The following KSR1 variants were observed in gnomAD, a reference collection of about 807,000 sequenced individuals.
The protein encoded by KSR1 is kinase suppressor of ras 1, also known as kinase suppressor of ras.
In KSR1, 35 loss-of-function variants were observed where a neutral mutation model predicts 92.9. The ratio of observed to expected loss-of-function variants is 0.38; its 90% CI spans 0.29 to 0.50. KSR1 has a LOEUF of 0.50. KSR1 is among the 20% of genes least tolerant of loss of function. The pLI is 0.94. For synonymous variants in KSR1, 467 were observed against 472.6 expected, an observed-to-expected ratio of 0.99 and a Z score of 0.15; for missense variants, 972 against 1,158.5, an observed-to-expected ratio of 0.84 and a Z score of 2.34.
At position 27,588,906 on chromosome 17, in the gene KSR1, C is replaced by T. The variant is rs557380296; in HGVS notation, c.1046+371C>T. Among the ~76,000 whole-genome samples, 19 of 152,322 alleles carry T rather than the reference C, an allele frequency of 1.2e-4. No individual in the cohort carries two copies. In the South Asian group the frequency reaches 1.9e-3, roughly 15 times the overall value. ...CTGAAACTGGCCGCATATCAGAGTC[C>T]GCTGTAGAGCTTGTTGAAAATCCAG... On this transcript the variant is annotated intron_variant, in intron 6 of 20. Coordinates refer to ENST00000644974, the MANE Select transcript of KSR1 (RefSeq NM_001394583.1).
chr17:27,620,991 C>A, intron 19 of KSR1: 1 of 387,836 alleles, frequency 2.6e-6, no homozygotes, highest in Non-Finnish European at 4.6e-6. Flanking sequence ...CACGCTTGCC[C>A]CCTAATTCTC....
At chr17:27,504,508 C>T (rs1237271805) in intron 1 of KSR1, among the ~76,000 whole-genome samples, 1 of 152,004 alleles carries the variant, frequency 6.6e-6, no homozygotes, top group African/African-American at 2.4e-5. Context: ...CCTGAGGAGG[C>T]CGGCAGAGAC....
At chr17:27,541,344 G>C (rs888660408) in intron 1 of KSR1, among the ~76,000 whole-genome samples, 5 of 152,240 alleles carry the variant, frequency 3.3e-5, no homozygotes, top group Non-Finnish European at 7.3e-5. Flanking sequence ...CTTCTTAAAA[G>C]GGATGGCCTC....
Position 27,603,847 on chromosome 17 carries a change from T to G in KSR1, c.1524T>G (p.Phe508Leu). 6.2e-7 allele frequency: 1 copy of G among 1,613,968 alleles called. No homozygotes were observed. The highest frequency in any genetic ancestry group is 8.5e-7 in the Non-Finnish European group (1 of 1,179,862). ...QQFIFPDISA[F>L]AHAAPLPEAA... Reference sequence around the variant, plus strand: ...TGTTTCCTCCAGACATTTCAGCCTTTGCACACGCAGCCCCGCTCCCTGAAG... The same window carrying G: ...TGTTTCCTCCAGACATTTCAGCCTTGGCACACGCAGCCCCGCTCCCTGAAG... Residue 508 changes from phenylalanine to leucine, a missense_variant, in exon 12 of 21, where the codon TTT becomes TTG. Around this residue, in one of 5 missense-constraint regions of KSR1, gnomAD observed 611 missense variants for 668.0 expected, o/e 0.91. Coordinates refer to ENST00000644974, the MANE Select transcript of KSR1 (RefSeq NM_001394583.1).
chr17:27,614,092 A>G (rs1185181510), intron 18 of KSR1, among the ~76,000 whole-genome samples: 3 of 152,258 alleles, frequency 2.0e-5, no homozygotes, highest in African/African-American at 4.8e-5. Context: ...ATGAGCCCCC[A>G]TGCCTGGCAT....
At chr17:27,603,590 G>T (rs773010308) in intron 11 of KSR1, among the ~76,000 whole-genome samples, 2 of 152,000 alleles carry the variant, frequency 1.3e-5, no homozygotes, top group Non-Finnish European at 2.9e-5. Context: ...CCTGCCCAGA[G>T]CCCCTGCCCA....
At chr17:27,596,212 T>C (rs1176233891) in intron 9 of KSR1, among the ~76,000 whole-genome samples, 3 of 152,218 alleles carry the variant, frequency 2.0e-5, no homozygotes, top group Non-Finnish European at 4.4e-5. Flanking sequence ...TCACACTTGC[T>C]TAAGGCTTGG....
rs11375064 is a variant in KSR1 at position 27,577,048 on chromosome 17, G to GTTT, written c.373-434_373-432dup. ...CTGCAGTGTTTGGTGAGGTTTTTTT[G>GTTT]TTTTTTTTTTTTAAATCCTTCCTTT... On this transcript the variant is annotated intron_variant, in intron 2 of 20. Transcript: ENST00000644974. This position sits in a 1 kb window ranked among gnomAD's most constrained non-coding sequence, Gnocchi z 4.5. Among the ~76,000 whole-genome samples the GTTT allele has an allele frequency of 6.8e-6, 1 of 147,236 alleles. No individual in the cohort carries two copies.
At chr17:27,463,100 C>T (rs903269046) in intron 1 of KSR1, among the ~76,000 whole-genome samples, 5 of 152,184 alleles carry the variant, frequency 3.3e-5, no homozygotes, top group African/African-American at 7.2e-5. Flanking sequence ...TATCTGTCCT[C>T]GTCTTTAATA....
At chr17:27,587,615 G>A (rs982097262) in intron 5 of KSR1, 3 of 152,260 alleles carry the variant, frequency 2.0e-5, no homozygotes, top group Admixed American at 6.5e-5. Flanking sequence ...GAGGGTTCCC[G>A]GACCCCCGAA....
At chr17:27,564,101 G>A (rs899477287) in intron 2 of KSR1, among the ~76,000 whole-genome samples, 1 of 142,690 alleles carries the variant, frequency 7.0e-6, no homozygotes, top group Non-Finnish European at 1.5e-5. Flanking sequence ...CTATTCTCCT[G>A]TCTCAGCCTC....
At chr17:27,472,454 C>G (rs1483705136) in intron 1 of KSR1, among the ~76,000 whole-genome samples, 1 of 152,176 alleles carries the variant, frequency 6.6e-6, no homozygotes, top group African/African-American at 2.4e-5. Context: ...TTAGGGGCCT[C>G]CTTTGACCAG....
At chr17:27,502,552 G>A (rs529021927) in intron 1 of KSR1, among the ~76,000 whole-genome samples, 4 of 152,304 alleles carry the variant, frequency 2.6e-5, no homozygotes, top group South Asian at 2.1e-4. Flanking sequence ...GGCAGAGGCC[G>A]GCCTCAAGCC....
chr17:27,518,649 C>T (rs2069896309), intron 1 of KSR1, among the ~76,000 whole-genome samples: 1 of 152,138 alleles, frequency 6.6e-6, no homozygotes, highest in African/African-American at 2.4e-5. Context: ...ATGTTCTGTG[C>T]TGACAAGTTC....
chr17:27,548,684 GC>G (rs2071278372), intron 1 of KSR1, among the ~76,000 whole-genome samples: 1 of 152,158 alleles, frequency 6.6e-6, no homozygotes, highest in African/African-American at 2.4e-5. Flanking sequence ...ACAAAAATTA[GC>G]CCTTTATGGT....
intron 1 of KSR1, among the ~76,000 whole-genome samples, chr17:27,526,070 C>CTCTCTCTT (rs2070275081): frequency 1.2e-5 from 1 of 81,380 alleles, no homozygotes; most frequent in African/African-American, 5.4e-5. Context: ...CTCTTTCTTT[C>CTCTCTCTT]TCTTTCTTTC....
At chr17:27,480,949 C>T (rs2068492479) in intron 1 of KSR1, among the ~76,000 whole-genome samples, 1 of 152,088 alleles carries the variant, frequency 6.6e-6, no homozygotes, top group Non-Finnish European at 1.5e-5. Context: ...GTGTTCCAGG[C>T]CTCTGTGATT....
Position 27,545,008 on chromosome 17 carries a change from T to C in KSR1, c.232-5560T>C, listed in dbSNP as rs534041204. On this transcript the variant is annotated intron_variant, in intron 1 of 20. Coordinates refer to ENST00000644974, the MANE Select transcript of KSR1 (RefSeq NM_001394583.1). ...CTGTAGAGGTTGTTTCTTAACAAGT[T>C]CTGGGAGATAGCAGCTGCCAGGACA... Among the ~76,000 whole-genome samples, 7 of 152,352 alleles carry C rather than the reference T, an allele frequency of 4.6e-5. No individual in the cohort carries two copies. The South Asian group carries it at 1.4e-3, about 32-fold the overall frequency.
At chr17:27,610,640 A>C (rs2073889381) in intron 17 of KSR1, among the ~76,000 whole-genome samples, 1 of 152,206 alleles carries the variant, frequency 6.6e-6, no homozygotes, top group Non-Finnish European at 1.5e-5. Flanking sequence ...CCGATATAGA[A>C]GTTAAAGTTT....
Sources: allele counts gnomAD v4.1 joint callset (sites outside exome capture counted in the v4.1 genomes callset), GRCh38; gene constraint gnomAD v4.1.1; regional missense constraint gnomAD v4.1.1; non-coding constraint Gnocchi (gnomAD v3.1); transcripts MANE v1.5; gene names NCBI Gene and HGNC (gene_info 2026-07-23, HGNC 2026-07-21).